Variants in HEATR5A observed in about 807,000 individuals in gnomAD.
HEATR5A encodes HEAT repeat containing 5A.
HEATR5A carries 178 observed loss-of-function variants against 218.8 expected under a neutral mutation model. The observed-to-expected ratio is 0.81, with a 90% confidence interval of 0.72 to 0.92. The LOEUF is 0.92. Ranked by LOEUF, HEATR5A falls within the 40% of genes least tolerant of loss-of-function variation. HEATR5A has a pLI of 0.00. For missense variants in HEATR5A, 2,420 were observed against 2,418.9 expected, an observed-to-expected ratio of 1.00 and a Z score of -0.01; for synonymous variants, 864 against 871.6, an observed-to-expected ratio of 0.99 and a Z score of 0.15.
At chr14:31,354,019 T>C (rs1241459948) in intron 16 of HEATR5A, among the ~76,000 whole-genome samples, 2 of 152,098 alleles carry the variant, frequency 1.3e-5, no homozygotes, top group Non-Finnish European at 2.9e-5. Flanking sequence ...CAGGATGGTC[T>C]TGATCTCTTG....
At chr14:31,351,552 G>A (rs1259238303) in intron 16 of HEATR5A, among the ~76,000 whole-genome samples, 3 of 151,086 alleles carry the variant, frequency 2.0e-5, no homozygotes, top group Non-Finnish European at 4.4e-5. Context: ...GTGCTAAAAA[G>A]GTAATGTTAA....
At chr14:31,359,132 G>C (rs1901526140) in intron 14 of HEATR5A, 75 bp from the exon 15 acceptor site, 1 of 1,408,828 alleles carries the variant, frequency 7.1e-7, no homozygotes, top group African/African-American at 1.5e-5. Flanking sequence ...AACTCAGGTT[G>C]AGCTTTAATG....
intron 9 of HEATR5A, among the ~76,000 whole-genome samples, chr14:31,385,640 G>C (rs1423712966): frequency 6.6e-6 from 1 of 152,192 alleles, no homozygotes. Flanking sequence ...TCTGGAATTA[G>C]ACAGTGGTAG....
chr14:31,358,846 A>G (rs773946005), intron 15 of HEATR5A, 34 bp from the exon 16 acceptor site: 1 of 1,609,290 alleles, frequency 6.2e-7, no homozygotes, highest in Admixed American at 1.7e-5. Context: ...AGGTTTTAAA[A>G]TCACTGATCA....
chr14:31,401,593 G>A (rs1398786391), intron 2 of HEATR5A, among the ~76,000 whole-genome samples: 2 of 152,170 alleles, frequency 1.3e-5, no homozygotes, highest in East Asian at 1.9e-4. Flanking sequence ...AGCAATTATA[G>A]TGCTACACTA....
intron 31 of HEATR5A, 90 bp downstream of exon 31, chr14:31,306,642 A>C: frequency 1.5e-6 from 2 of 1,305,224 alleles, no homozygotes; most frequent in Non-Finnish European, 2.1e-6. Flanking sequence ...CACACACAAA[A>C]GATTATCAAA....
chr14:31,326,419 T>A (rs1354105259), intron 22 of HEATR5A, 77 bp from the exon 23 acceptor site: 2 of 1,022,580 alleles, frequency 2.0e-6, no homozygotes, highest in African/African-American at 3.2e-5. Flanking sequence ...CATTCAGTAG[T>A]TATTCAAATA....
chr14:31,349,297 T>G (rs964356672), intron 18 of HEATR5A, among the ~76,000 whole-genome samples: 2 of 151,762 alleles, frequency 1.3e-5, no homozygotes, highest in Non-Finnish European at 2.9e-5. Flanking sequence ...CTGAGGCTGA[T>G]GGCGTGAACC....
In HEATR5A at chr14:31,406,186, T is replaced by C. The variant is rs938661811; in HGVS notation, c.-74-3137A>G. On this transcript the variant is annotated intron_variant, in intron 1 of 35. Coordinates refer to ENST00000543095, the MANE Select transcript of HEATR5A (RefSeq NM_015473.4). ...GTTTTAAAATAACCACAACCCTACA[T>C]ATACCTGAGAAATGCTTATTTTTCT... Among the ~76,000 whole-genome samples, 4 of 152,230 alleles carry C rather than the reference T, an allele frequency of 2.6e-5. No individual in the cohort carries two copies. The East Asian group carries it at 5.8e-4, about 22-fold the overall frequency.
At chr14:31,392,132 G>C (rs908926921) in intron 6 of HEATR5A, among the ~76,000 whole-genome samples, 2 of 152,230 alleles carry the variant, frequency 1.3e-5, no homozygotes, top group African/African-American at 2.4e-5. Context: ...TTTTGACAGA[G>C]AACTATGTAA....
At chr14:31,372,127 G>T (rs1234169621) in intron 12 of HEATR5A, among the ~76,000 whole-genome samples, 2 of 150,198 alleles carry the variant, frequency 1.3e-5, no homozygotes, top group South Asian at 2.1e-4. Flanking sequence ...CTAAGACGGA[G>T]CAATAACCAT....
chr14:31,308,078 A>T, intron 29 of HEATR5A, 58 bp from the exon 30 acceptor site: 2 of 1,460,560 alleles, frequency 1.4e-6, no homozygotes, highest in South Asian at 2.6e-5. Flanking sequence ...TTATGAAATT[A>T]AGTAATTAAT....
chr14:31,401,025 C>T lies in HEATR5A; in HGVS notation c.127-513G>A, dbSNP rs550940925. Among the ~76,000 whole-genome samples the T allele has an allele frequency of 2.1e-3, 319 of 151,854 alleles. 1 individual carries two copies. The highest frequency in any genetic ancestry group is 3.5e-3 in the Non-Finnish European group (237 of 67,922). On this transcript the variant is annotated intron_variant, in intron 2 of 35. Coordinates refer to ENST00000543095, the MANE Select transcript of HEATR5A (RefSeq NM_015473.4). Reference sequence around the variant, plus strand: ...CGGCTAATTTTTTGTATTTTCAGTACAGACAGGGTTTCACGGTGTTAGCCA... The same window carrying T: ...CGGCTAATTTTTTGTATTTTCAGTATAGACAGGGTTTCACGGTGTTAGCCA...
At chr14:31,352,407 A>G (rs1901264232) in intron 16 of HEATR5A, among the ~76,000 whole-genome samples, 1 of 152,150 alleles carries the variant, frequency 6.6e-6, no homozygotes, top group South Asian at 2.1e-4. Context: ...GAAAATATGG[A>G]TATACTTTCA....
chr14:31,321,989 AGTTG>A (rs1900122998), intron 24 of HEATR5A, among the ~76,000 whole-genome samples: 1 of 152,196 alleles, frequency 6.6e-6, no homozygotes, highest in Non-Finnish European at 1.5e-5. Flanking sequence ...AAAGTACATT[AGTTG>A]GTATGGAGGA....
At chr14:31,305,477 G>T (rs1899527690) in intron 31 of HEATR5A, among the ~76,000 whole-genome samples, 1 of 152,100 alleles carries the variant, frequency 6.6e-6, no homozygotes, top group Non-Finnish European at 1.5e-5. Context: ...TGGTCAGGCT[G>T]GTCTCGAACT....
intron 21 of HEATR5A, among the ~76,000 whole-genome samples, chr14:31,339,347 G>A (rs1900769099): frequency 6.7e-6 from 1 of 149,670 alleles, no homozygotes; most frequent in South Asian, 2.1e-4. Context: ...CTACTGGAGA[G>A]GCTGAGGCAG....
Position 31,358,796 on chromosome 14 carries a change from C to A in HEATR5A, c.2252G>T (p.Gly751Val). Residue 751 changes from glycine to valine, a missense_variant, in exon 16 of 36, where the codon GGT becomes GTT. Transcript: ENST00000543095. ...FIEEQLLLGNGVACGSLEYDP... is the reference protein window; with the variant it reads ...FIEEQLLLGNVVACGSLEYDP... Reference sequence around the variant, plus strand: ...ATATTCAAGACTTCCGCAAGCAACACCATTACCAAGCAGGAGCTAAAAGGG... The same window carrying A: ...ATATTCAAGACTTCCGCAAGCAACAACATTACCAAGCAGGAGCTAAAAGGG... The A allele has an allele frequency of 6.2e-7, 1 of 1,613,448 alleles. No individual in the cohort carries two copies.
At chr14:31,331,062 C>T (rs1900452958) in intron 22 of HEATR5A, among the ~76,000 whole-genome samples, 1 of 150,816 alleles carries the variant, frequency 6.6e-6, no homozygotes, top group Non-Finnish European at 1.5e-5. Context: ...CTGCCTCAGC[C>T]TCCCCAGTAG....
Sources: gnomAD v4.1 joint callset for allele counts (sites outside exome capture counted in the v4.1 genomes callset) on GRCh38, gnomAD v4.1.1 for gene constraint, MANE v1.5 for transcripts, NCBI Gene and HGNC (gene_info 2026-07-23, HGNC 2026-07-21) for gene names.